The following CDH13 variants were observed in gnomAD, a reference collection of about 807,000 sequenced individuals.
CDH13 encodes the protein cadherin-13.
CDH13 carries 24 observed loss-of-function variants against 63.8 expected under a neutral mutation model. That is an observed-to-expected ratio of 0.38 (90% CI 0.27 to 0.53). CDH13 has a LOEUF of 0.53. CDH13 is among the 20% of genes least tolerant of loss of function. The pLI is 0.85. For missense variants in CDH13, 1,049 were observed against 903.1 expected (o/e 1.16, Z -2.07); for synonymous variants, 503 against 355.3 (o/e 1.42, Z -4.67).
intron 6 of CDH13, among the ~76,000 whole-genome samples, chr16:83,395,723 C>G (rs1355459545): frequency 6.6e-6 from 1 of 152,198 alleles, no homozygotes; most frequent in Non-Finnish European, 1.5e-5. Flanking sequence ...GTGGTTGAAA[C>G]TGAAGGCGGC....
chr16:82,720,844 G>T (rs548449388), intron 1 of CDH13, among the ~76,000 whole-genome samples: 1 of 152,166 alleles, frequency 6.6e-6, no homozygotes, highest in Non-Finnish European at 1.5e-5. Flanking sequence ...AAAGGCCCTC[G>T]CCTGGCTCAT....
At chr16:83,251,437 G>A (rs998730196) in intron 5 of CDH13, among the ~76,000 whole-genome samples, 1 of 152,178 alleles carries the variant, frequency 6.6e-6, no homozygotes, top group Admixed American at 6.5e-5. Flanking sequence ...GATTTGCACA[G>A]TTACCCAGCT....
At chr16:83,025,987 C>G (rs933522228) in intron 2 of CDH13, among the ~76,000 whole-genome samples, 2 of 152,178 alleles carry the variant, frequency 1.3e-5, no homozygotes, top group Non-Finnish European at 2.9e-5. Flanking sequence ...AATGCTCCTT[C>G]AGCATTTCTT....
intron 1 of CDH13, among the ~76,000 whole-genome samples, chr16:82,855,128 C>T (rs1286607641): frequency 6.6e-6 from 1 of 152,206 alleles, no homozygotes; most frequent in African/African-American, 2.4e-5. Context: ...AAAGATAAAA[C>T]TGTGCCTTTG....
chr16:83,549,131 C>A (rs2075443997), intron 7 of CDH13, among the ~76,000 whole-genome samples: 1 of 152,100 alleles, frequency 6.6e-6, no homozygotes, highest in South Asian at 2.1e-4. Context: ...AATCTCGGTT[C>A]ACATGTCGTT....
chr16:83,678,597 C>G lies in CDH13; in HGVS notation c.1538+136C>G, dbSNP rs1350100846. 8 of 1,145,064 alleles carry G rather than the reference C, an allele frequency of 7.0e-6. No individual in the cohort carries two copies. In the African/African-American group the frequency reaches 1.2e-4, roughly 18 times the overall value. 70.9% of individuals were successfully genotyped at this position (1,145,064 alleles called of 1,614,324 possible). On this transcript the variant is annotated intron_variant, in intron 10 of 13. Coordinates refer to ENST00000567109, the MANE Select transcript of CDH13 (RefSeq NM_001257.5). The stretch of plus-strand genomic sequence containing the variant: ...ACAATCTCAGCAAGTGGGAGGAAAG[C>G]GTCATAGAGAGGAGGTTGTGGCTGA...
chr16:83,578,720 C>A (rs1457907256), intron 7 of CDH13, among the ~76,000 whole-genome samples: 2 of 152,222 alleles, frequency 1.3e-5, no homozygotes, highest in African/African-American at 4.8e-5. Context: ...AAACACCTTA[C>A]AGATTGGCAC....
intron 2 of CDH13, among the ~76,000 whole-genome samples, chr16:82,952,996 T>C (rs1905513145): frequency 6.6e-6 from 1 of 152,192 alleles, no homozygotes; most frequent in Non-Finnish European, 1.5e-5. Context: ...GCACATCTGC[T>C]TGTGAACATA....
chr16:83,738,410 A>G (rs1194293578), intron 10 of CDH13, among the ~76,000 whole-genome samples: 1 of 152,234 alleles, frequency 6.6e-6, no homozygotes, highest in African/African-American at 2.4e-5. Flanking sequence ...TATCTCTGGA[A>G]GTGGATTAGG....
chr16:82,805,739 C>T (rs1343656746), intron 1 of CDH13, among the ~76,000 whole-genome samples: 1 of 152,308 alleles, frequency 6.6e-6, no homozygotes, highest in African/African-American at 2.4e-5. Flanking sequence ...CGAAGGAATT[C>T]TTAGGAGCAT....
intron 6 of CDH13, among the ~76,000 whole-genome samples, chr16:83,438,588 C>G (rs1024745629): frequency 2.6e-5 from 4 of 152,184 alleles, no homozygotes; most frequent in Non-Finnish European, 5.9e-5. Flanking sequence ...GTTTTAAGGA[C>G]AATGGATAGG....
chr16:83,405,534 C>A (rs1243538883), intron 6 of CDH13, among the ~76,000 whole-genome samples: 1 of 152,178 alleles, frequency 6.6e-6, no homozygotes, highest in Non-Finnish European at 1.5e-5. Context: ...GGTAAGGGAA[C>A]CTCATGTCAC....
At chr16:82,670,049 T>G (rs1225521090) in intron 1 of CDH13, among the ~76,000 whole-genome samples, 1 of 152,250 alleles carries the variant, frequency 6.6e-6, no homozygotes, top group Non-Finnish European at 1.5e-5. Flanking sequence ...CAGCCCCTGT[T>G]GGATAATTGC....
intron 1 of CDH13, among the ~76,000 whole-genome samples, chr16:82,781,732 G>C (rs1051218895): frequency 1.3e-5 from 2 of 152,030 alleles, no homozygotes; most frequent in African/African-American, 4.8e-5. Context: ...ATCCATCCAC[G>C]TAACCACTCA....
At chr16:82,761,051 TCTCA>T (rs1376413589) in intron 1 of CDH13, among the ~76,000 whole-genome samples, 1 of 132,532 alleles carries the variant, frequency 7.5e-6, no homozygotes, top group Non-Finnish European at 1.6e-5. Context: ...TTTTTTGGAG[TCTCA>T]CTCTGTCACC....
chr16:83,026,611 A>G (rs1032061467), intron 2 of CDH13, among the ~76,000 whole-genome samples: 1 of 152,210 alleles, frequency 6.6e-6, no homozygotes, highest in South Asian at 2.1e-4. Context: ...TTAGAAAAAA[A>G]TACTTAAAAG....
intron 3 of CDH13, among the ~76,000 whole-genome samples, chr16:83,059,793 G>GTTTTTTTTTTTTTTTTTT (rs66521965): frequency 8.8e-6 from 1 of 113,106 alleles, no homozygotes; most frequent in Non-Finnish European, 1.8e-5. Context: ...TTTTTTGTTT[G>GTTTTTTTTTTTTTTTTTT]TTTTTTTTTT....
At chr16:83,043,503 G>A (rs1479355551) in intron 3 of CDH13, among the ~76,000 whole-genome samples, 2 of 150,016 alleles carry the variant, frequency 1.3e-5, no homozygotes. Flanking sequence ...GTGTGTGTGT[G>A]TGTGTGTGTG....
chr16:83,495,937 G>A (rs1287067888), intron 7 of CDH13, among the ~76,000 whole-genome samples: 2 of 151,796 alleles, frequency 1.3e-5, no homozygotes, highest in East Asian at 3.9e-4. Flanking sequence ...AAATGCCTAG[G>A]AATCCAACTG....
Sources: gnomAD v4.1 joint callset for allele counts (sites outside exome capture counted in the v4.1 genomes callset) on GRCh38, gnomAD v4.1.1 for gene constraint, MANE v1.5 for transcripts, NCBI Gene and HGNC (gene_info 2026-07-23, HGNC 2026-07-21) for gene names.